Variants in XPNPEP1 observed in about 807,000 individuals in gnomAD.
XPNPEP1 encodes the protein xaa-Pro aminopeptidase 1.
Under a neutral mutation model 92.4 loss-of-function variants are expected in XPNPEP1, and 39 were observed. The ratio of observed to expected loss-of-function variants is 0.42; its 90% CI spans 0.33 to 0.55. The LOEUF is 0.55. XPNPEP1 is among the 20% of genes least tolerant of loss of function. The probability of loss-of-function intolerance (pLI) is 0.08; values close to 1 mark genes in which losing one functional copy is unlikely to be tolerated. For missense variants in XPNPEP1, 654 were observed against 856.1 expected, an observed-to-expected ratio of 0.76 and a Z score of 2.95; for synonymous variants, 307 against 299.4, an observed-to-expected ratio of 1.03 and a Z score of -0.26.
intron 16 of XPNPEP1, among the ~76,000 whole-genome samples, chr10:109,873,068 C>A (rs642071): frequency 0.99 from 151,584 of 152,366 alleles, 75,406 homozygotes; most frequent in Middle Eastern, 1. Context: ...GTATTTCACT[C>A]TCTCATCCCC....
rs892190775 is a variant in XPNPEP1 at position 109,870,881 on chromosome 10, G to A, written c.1546C>T (p.Arg516Cys). The A allele has an allele frequency of 8.1e-6, 13 of 1,613,736 alleles. No homozygotes were observed. Among genetic ancestry groups the A allele is most frequent in the South Asian group, 2.2e-5 (2 of 91,022 alleles). ...TKGHLLDSFARSALWDSGLDY... is the reference protein window; with the variant it reads ...TKGHLLDSFACSALWDSGLDY... ...AGGCCTGAATCCCATAAAGCTGAAC[G>A]GGCAAAGGAGTCAAGAAGGTGACCT... The change falls in exon 18 of 21, where the codon CGT (arginine) becomes TGT (cysteine). Residue 516 changes from arginine to cysteine, a missense_variant. Arg to Cys is a radical substitution (Grantham distance 180). Coordinates refer to ENST00000502935, the MANE Select transcript of XPNPEP1 (RefSeq NM_020383.4).
intron 2 of XPNPEP1, among the ~76,000 whole-genome samples, chr10:109,911,957 C>A (rs1207446222): frequency 6.6e-6 from 1 of 152,154 alleles, no homozygotes; most frequent in East Asian, 1.9e-4. Context: ...TTAACACAAC[C>A]AATCATGAGC....
At chr10:109,871,197 C>T (rs984263013) in intron 17 of XPNPEP1, among the ~76,000 whole-genome samples, 2 of 151,988 alleles carry the variant, frequency 1.3e-5, no homozygotes, top group Non-Finnish European at 2.9e-5. Flanking sequence ...CTCTGCGACC[C>T]TAAGGTTTCA....
intron 1 of XPNPEP1, among the ~76,000 whole-genome samples, chr10:109,921,473 T>C (rs1273583283): frequency 6.6e-6 from 1 of 152,200 alleles, no homozygotes; most frequent in African/African-American, 2.4e-5. Context: ...CTTCTCCCTC[T>C]TTTTCCAAGA....
intron 8 of XPNPEP1, among the ~76,000 whole-genome samples, chr10:109,886,008 CCAGAG>C (rs1848367581): frequency 6.6e-6 from 1 of 152,192 alleles, no homozygotes; most frequent in Non-Finnish European, 1.5e-5. Context: ...GAGGGACTGG[CCAGAG>C]GTGGGCATCA....
In XPNPEP1 at chr10:109,867,499, A is replaced by G. The variant is rs941503890; in HGVS notation, c.1872+1115T>C. Among the ~76,000 whole-genome samples the G allele has an allele frequency of 6.6e-6, 1 of 152,270 alleles. No individual in the cohort carries two copies. The highest frequency in any genetic ancestry group is 1.5e-5 in the Non-Finnish European group (1 of 68,046). On this transcript the variant is annotated intron_variant, in intron 20 of 20. Transcript: ENST00000502935. This position sits in a 1 kb window ranked among gnomAD's most constrained non-coding sequence, Gnocchi z 4.5. Reference sequence around the variant, plus strand: ...GCTCAAGCACAGAGGAAAGCTAAGCAGGAAGTGGATGGACTTTCTCATCAC... The same window carrying G: ...GCTCAAGCACAGAGGAAAGCTAAGCGGGAAGTGGATGGACTTTCTCATCAC...
intron 2 of XPNPEP1, 70 bp from the exon 3 acceptor site, chr10:109,907,885 G>T: frequency 1.3e-6 from 2 of 1,589,338 alleles, no homozygotes; most frequent in Admixed American, 1.7e-5. Context: ...TTCGAAGTGG[G>T]CCACAGAGAG....
In XPNPEP1 at chr10:109,894,728, C is replaced by T. The variant is rs140781505; in HGVS notation, c.247-1653G>A. ...CCCAGCTGCATAGTCTGCAACAAGTCCTGGCAGCTCTCTCAGCCTCATTTC... is the reference window on the plus strand; with the variant it reads ...CCCAGCTGCATAGTCTGCAACAAGTTCTGGCAGCTCTCTCAGCCTCATTTC... On this transcript the variant is annotated intron_variant, in intron 3 of 20. Transcript: ENST00000502935. Among the ~76,000 whole-genome samples the T allele has an allele frequency of 5.7e-4, 87 of 152,266 alleles. 1 individual carries two copies. Among genetic ancestry groups the T allele is most frequent in the African/African-American group, 1.9e-3 (77 of 41,558 alleles).
chr10:109,885,354 TA>T (rs1192252190), intron 8 of XPNPEP1, among the ~76,000 whole-genome samples: 6 of 152,258 alleles, frequency 3.9e-5, no homozygotes, highest in African/African-American at 1.4e-4. Context: ...TGACACTGAT[TA>T]TCTCTAAGTA....
chr10:109,881,209 G>A (rs543629813), intron 10 of XPNPEP1, among the ~76,000 whole-genome samples: 29 of 152,216 alleles, frequency 1.9e-4, no homozygotes, highest in Non-Finnish European at 3.1e-4. Context: ...GCTGCCTGCC[G>A]TCAGCAAGAC....
At chr10:109,913,080 C>T (rs779357574) in intron 2 of XPNPEP1, among the ~76,000 whole-genome samples, 1 of 152,216 alleles carries the variant, frequency 6.6e-6, no homozygotes, top group Admixed American at 6.5e-5. Context: ...GCCTAGTCCA[C>T]GATGAAACAT....
chr10:109,873,509 G>T, intron 15 of XPNPEP1, 82 bp from the exon 16 acceptor site: 2 of 1,543,928 alleles, frequency 1.3e-6, no homozygotes, highest in South Asian at 1.1e-5. Context: ...GTGGACAAGT[G>T]AGAAGCCCCA....
chr10:109,900,887 T>C (rs575705753), intron 3 of XPNPEP1, among the ~76,000 whole-genome samples: 1 of 152,200 alleles, frequency 6.6e-6, no homozygotes, highest in East Asian at 1.9e-4. Flanking sequence ...ATTCCATAGA[T>C]ACCCATGGTA....
In XPNPEP1 at chr10:109,865,234, C is replaced by T; in HGVS notation, c.1951G>A (p.Ala651Thr). ...GTCTCTCTGATGAGCCACTCGAGAG[C>T]TTCCTGGCGGCCCTGTTTCTGCAAT... ...KELQKQGRQE[A>T]LEWLIRETQP... The change falls in exon 21 of 21, where the codon GCT becomes ACT. Residue 651 changes from alanine (A) to threonine (T), a missense_variant. Physicochemically the swap from Ala to Thr is moderately conservative, Grantham distance 58. Transcript: ENST00000502935. 1 of 1,614,210 alleles carries T rather than the reference C, an allele frequency of 6.2e-7. No individual in the cohort carries two copies. The highest frequency in any genetic ancestry group is 1.1e-5 in the South Asian group (1 of 91,082).
chr10:109,883,186 T>C (rs1443941007), intron 9 of XPNPEP1, among the ~76,000 whole-genome samples: 1 of 152,158 alleles, frequency 6.6e-6, no homozygotes, highest in Non-Finnish European at 1.5e-5. Flanking sequence ...TGGCCCCTGC[T>C]CACATTCTGG....
chr10:109,908,480 T>C (rs775729304), intron 2 of XPNPEP1, among the ~76,000 whole-genome samples: 2 of 152,146 alleles, frequency 1.3e-5, no homozygotes, highest in Non-Finnish European at 2.9e-5. Context: ...CACGTGCCTG[T>C]AGTCCCAGCT....
intron 7 of XPNPEP1, among the ~76,000 whole-genome samples, chr10:109,887,773 G>A (rs1848473090): frequency 1.3e-5 from 2 of 152,176 alleles, no homozygotes; most frequent in Admixed American, 6.5e-5. Context: ...TAGCAGCTGA[G>A]TGGATAAAAA....
chr10:109,920,630 A>T (rs10787220), intron 1 of XPNPEP1, among the ~76,000 whole-genome samples: 1 of 151,868 alleles, frequency 6.6e-6, no homozygotes, highest in African/African-American at 2.4e-5. Context: ...TCAAACTCCT[A>T]AGCTCAAGCA....
At chr10:109,880,739 G>C in intron 11 of XPNPEP1, 103 bp downstream of exon 11, 1 of 1,143,986 alleles carries the variant, frequency 8.7e-7, no homozygotes, top group Non-Finnish European at 1.2e-6. Flanking sequence ...GAGGCTCAGA[G>C]AGATTCTAAC....
Sources: allele counts gnomAD v4.1 joint callset (sites outside exome capture counted in the v4.1 genomes callset), GRCh38; gene constraint gnomAD v4.1.1; non-coding constraint Gnocchi (gnomAD v3.1); transcripts MANE v1.5; gene names NCBI Gene and HGNC (gene_info 2026-07-23, HGNC 2026-07-21).